Variants in DSCAML1 observed in about 807,000 individuals in gnomAD.
DSCAML1 encodes cell adhesion molecule DSCAML1.
Under a neutral mutation model 200.5 loss-of-function variants are expected in DSCAML1, and 38 were observed. That is an observed-to-expected ratio of 0.19 (90% CI 0.15 to 0.25). The LOEUF is 0.25. Ranked by LOEUF, DSCAML1 falls within the 10% of genes least tolerant of loss-of-function variation. The probability of loss-of-function intolerance (pLI) is 1.00; values close to 1 mark genes in which losing one functional copy is unlikely to be tolerated. For missense variants in DSCAML1, 2,223 were observed against 2,858.8 expected (o/e 0.78, Z 5.07); for synonymous variants, 1,215 against 1,165.0 (o/e 1.04, Z -0.87).
chr11:117,613,110 C>T (rs919189559), intron 3 of DSCAML1, among the ~76,000 whole-genome samples: 8 of 152,014 alleles, frequency 5.3e-5, no homozygotes, highest in Admixed American at 1.3e-4. Context: ...AGGGTCCATG[C>T]TCCCCCCACC....
chr11:117,644,523 G>A (rs1291852178), intron 3 of DSCAML1, among the ~76,000 whole-genome samples: 1 of 152,244 alleles, frequency 6.6e-6, no homozygotes, highest in Non-Finnish European at 1.5e-5. Flanking sequence ...CAATTAGAAA[G>A]TTTTCTTTCC....
intron 3 of DSCAML1, among the ~76,000 whole-genome samples, chr11:117,706,245 G>A (rs1451923400): frequency 6.6e-6 from 1 of 152,210 alleles, no homozygotes; most frequent in Non-Finnish European, 1.5e-5. Context: ...GTCTGCTAGT[G>A]CAAGGTCTGT....
intron 3 of DSCAML1, among the ~76,000 whole-genome samples, chr11:117,597,420 C>A (rs112805612): frequency 4.1e-4 from 62 of 152,172 alleles, no homozygotes; most frequent in African/African-American, 1.4e-3. Context: ...AGGTCCTTGC[C>A]AGCCTGCAAG....
intron 19 of DSCAML1, among the ~76,000 whole-genome samples, chr11:117,454,519 C>T (rs774142305): frequency 8.5e-5 from 13 of 152,140 alleles, no homozygotes; most frequent in Non-Finnish European, 4.4e-5. Context: ...TTCCAATTCT[C>T]TGAAGTTTTC....
chr11:117,733,584 C>T (rs747448666), intron 3 of DSCAML1, among the ~76,000 whole-genome samples: 8 of 152,150 alleles, frequency 5.3e-5, no homozygotes, highest in Non-Finnish European at 8.8e-5. Flanking sequence ...TGCGGTCCCT[C>T]GACACGGCAA....
At chr11:117,629,984 C>T (rs1565837482) in intron 3 of DSCAML1, among the ~76,000 whole-genome samples, 1 of 152,180 alleles carries the variant, frequency 6.6e-6, no homozygotes, top group Non-Finnish European at 1.5e-5. Flanking sequence ...GCACTCTAGC[C>T]TGGGTGACAC....
intron 3 of DSCAML1, chr11:117,611,961 G>A (rs1431997707): frequency 6.6e-6 from 1 of 152,206 alleles, no homozygotes; most frequent in East Asian, 1.9e-4. Context: ...AGTTGTCTAT[G>A]GAGTTTTCTG....
At chr11:117,613,108 T>C (rs1190335666) in intron 3 of DSCAML1, among the ~76,000 whole-genome samples, 1 of 152,032 alleles carries the variant, frequency 6.6e-6, no homozygotes, top group Non-Finnish European at 1.5e-5. Flanking sequence ...AGAGGGTCCA[T>C]GCTCCCCCCA....
At chr11:117,517,086 G>A (rs571347047) in intron 7 of DSCAML1, among the ~76,000 whole-genome samples, 2 of 152,300 alleles carry the variant, frequency 1.3e-5, no homozygotes, top group East Asian at 3.9e-4. Flanking sequence ...GGGAGGGCAA[G>A]TCCTCATTTA....
intron 3 of DSCAML1, among the ~76,000 whole-genome samples, chr11:117,538,007 C>T (rs1447574440): frequency 6.6e-6 from 1 of 152,196 alleles, no homozygotes; most frequent in Admixed American, 6.5e-5. Flanking sequence ...TCTCTCAGAC[C>T]CTCAGTTTCC....
rs989994992 is a variant in DSCAML1 at position 117,780,366 on chromosome 11, A to G, written c.364+127T>C. ...GGACACACAGCAAGTGGTACAACAA[A>G]GATTCAAAAGAGAACAACAAAACTG... On this transcript the variant is annotated intron_variant, in intron 2 of 32. Coordinates refer to ENST00000651296, the MANE Select transcript of DSCAML1 (RefSeq NM_020693.4). The surrounding 1 kb of genome is among the most constrained non-coding windows in gnomAD (Gnocchi z 4.8). 1.3e-6 allele frequency: 1 copy of G among 746,696 alleles called. No homozygotes were observed. The highest frequency in any genetic ancestry group is 1.9e-6 in the Non-Finnish European group (1 of 519,992). The allele number at this position is 746,696 out of a possible 1,614,324, so 46.3% of individuals were successfully genotyped here. A position where few individuals can be genotyped will look rare whatever the true frequency, so the allele number is the denominator to read the frequency against.
Position 117,498,745 on chromosome 11 carries a change from G to A in DSCAML1, c.2359+5100C>T, listed in dbSNP as rs1485789084. ...CTCCATTTCTCAAGTCCCCACGAGAGTTTGGCCCCAAGCTCCCCGCTCCTG... is the reference window on the plus strand; with the variant it reads ...CTCCATTTCTCAAGTCCCCACGAGAATTTGGCCCCAAGCTCCCCGCTCCTG... On this transcript the variant is annotated intron_variant, in intron 11 of 32. Transcript: ENST00000651296. This position sits in a 1 kb window ranked among gnomAD's most constrained non-coding sequence, Gnocchi z 4.0. Among the ~76,000 whole-genome samples, 1 of 152,182 alleles carries A rather than the reference G, an allele frequency of 6.6e-6. No individual in the cohort carries two copies. The highest frequency in any genetic ancestry group is 1.5e-5 in the Non-Finnish European group (1 of 68,030).
rs766267108 is a variant in DSCAML1 at position 117,431,003 on chromosome 11, T to C, written c.5405A>G (p.Glu1802Gly). ...DKGRNSMVSTESASSTYEELA... is the reference protein window; with the variant it reads ...DKGRNSMVSTGSASSTYEELA... ...CTCCTCGTAGGTGGAAGAGGCACTC[T>C]CAGTGGACACCATGCTGTTCCTTCC... The change falls in exon 32 of 33, where the codon GAG becomes GGG. Residue 1802 changes from glutamate to glycine, a missense_variant. This residue lies in a region of DSCAML1 where 96 missense variants were observed against 160.7 expected (regional missense o/e 0.60). Coordinates refer to ENST00000651296, the MANE Select transcript of DSCAML1 (RefSeq NM_020693.4). 4 of 1,613,938 alleles carry C rather than the reference T, an allele frequency of 2.5e-6. No homozygotes were observed. Among genetic ancestry groups the C allele is most frequent in the Non-Finnish European group, 3.4e-6 (4 of 1,179,952 alleles).
intron 3 of DSCAML1, among the ~76,000 whole-genome samples, chr11:117,768,964 TAGTC>T (rs1289857940): frequency 6.7e-6 from 1 of 149,614 alleles, no homozygotes; most frequent in Non-Finnish European, 1.5e-5. Context: ...TAATCCCAGA[TAGTC>T]AGGAGGCTGA....
intron 3 of DSCAML1, among the ~76,000 whole-genome samples, chr11:117,660,189 G>A (rs2052817440): frequency 1.3e-5 from 2 of 152,140 alleles, no homozygotes; most frequent in Admixed American, 6.5e-5. Context: ...CCCTCCTAGG[G>A]CCTGAGTCCC....
At chr11:117,461,306 T>G in intron 18 of DSCAML1, 144 bp downstream of exon 18, 1 of 1,174,050 alleles carries the variant, frequency 8.5e-7, no homozygotes, top group Non-Finnish European at 1.2e-6. Flanking sequence ...TCGCCCCCCG[T>G]GGTCTCCCCG....
chr11:117,436,627 G>C (rs889684280), intron 26 of DSCAML1, among the ~76,000 whole-genome samples: 2 of 152,130 alleles, frequency 1.3e-5, no homozygotes, highest in African/African-American at 4.8e-5. Flanking sequence ...GAGTCTCCAT[G>C]TTCAAAAAGA....
intron 3 of DSCAML1, among the ~76,000 whole-genome samples, chr11:117,736,481 C>G (rs2137829576): frequency 6.6e-6 from 1 of 152,298 alleles, no homozygotes; most frequent in South Asian, 2.1e-4. Flanking sequence ...TCACACAAAC[C>G]AACCCTGGTG....
Position 117,589,370 on chromosome 11 carries a change from G to C in DSCAML1, c.512-56848C>G, listed in dbSNP as rs189773817. Among the ~76,000 whole-genome samples the C allele has an allele frequency of 4.6e-5, 7 of 152,160 alleles. No homozygotes were observed. In the East Asian group the frequency reaches 1.4e-3, roughly 29 times the overall value. On this transcript the variant is annotated intron_variant, in intron 3 of 32. Coordinates refer to ENST00000651296, the MANE Select transcript of DSCAML1 (RefSeq NM_020693.4). Reference sequence around the variant, plus strand: ...TGCTCAAACTCTCTTTTTATTCTAGGTGAACAAAGCAAACACACTCTGCAG... The same window carrying C: ...TGCTCAAACTCTCTTTTTATTCTAGCTGAACAAAGCAAACACACTCTGCAG...
Sources: allele counts gnomAD v4.1 joint callset (sites outside exome capture counted in the v4.1 genomes callset), GRCh38; gene constraint gnomAD v4.1.1; regional missense constraint gnomAD v4.1.1; non-coding constraint Gnocchi (gnomAD v3.1); transcripts MANE v1.5; gene names NCBI Gene and HGNC (gene_info 2026-07-23, HGNC 2026-07-21).